The following RANBP17 variants were observed in gnomAD, a reference collection of about 807,000 sequenced individuals.
RANBP17 encodes the protein ran-binding protein 17.
A neutral mutation model predicts 141.2 loss-of-function variants in RANBP17; 158 were observed. That is an observed-to-expected ratio of 1.12 (90% CI 0.98 to 1.28). RANBP17 has a LOEUF of 1.28. Among genes scored for constraint, RANBP17 ranks in the 50% most tolerant of loss-of-function variants. The pLI is 0.00. For missense variants in RANBP17, 1,438 were observed against 1,290.7 expected (o/e 1.11, Z -1.75); for synonymous variants, 430 against 450.0 (o/e 0.96, Z 0.56).
rs1421101572 is a variant in RANBP17 at position 170,896,114 on chromosome 5, T to A, written c.488T>A (p.Leu163Gln). ...ILSELTQEMN[L>Q]VDYSRPSAKH... ...TCTGAATTGACTCAGGAAATGAACCTGGTAAGCGAGCCTTTCCATCTAACA... is the reference window on the plus strand; with the variant it reads ...TCTGAATTGACTCAGGAAATGAACCAGGTAAGCGAGCCTTTCCATCTAACA... The change falls in exon 5 of 28, where the codon CTG (leucine) becomes CAG (glutamine). Residue 163 changes from leucine to glutamine, a missense_variant and splice_region_variant. Transcript: ENST00000523189. 1 of 1,602,932 alleles carries A rather than the reference T, an allele frequency of 6.2e-7. No individual in the cohort carries two copies. The highest frequency in any genetic ancestry group is 1.7e-5 in the Admixed American group (1 of 59,062).
chr5:170,921,646 G>A (rs911653394), intron 11 of RANBP17, among the ~76,000 whole-genome samples: 1 of 152,146 alleles, frequency 6.6e-6, no homozygotes, highest in African/African-American at 2.4e-5. Context: ...TAGCTTGATG[G>A]GGATAGCATT....
chr5:171,182,015 C>G (rs1760891053), intron 16 of RANBP17, among the ~76,000 whole-genome samples: 1 of 152,314 alleles, frequency 6.6e-6, no homozygotes, highest in Non-Finnish European at 1.5e-5. Context: ...TCTCCTGACT[C>G]ATGTTCCAAT....
chr5:171,251,725 G>A (rs1208660127), intron 24 of RANBP17: 6 of 687,542 alleles, frequency 8.7e-6, no homozygotes, highest in Non-Finnish European at 1.5e-5. Context: ...GTCCACCCGC[G>A]GGCTGCGGTG....
chr5:171,270,041 G>A (rs578059511), intron 25 of RANBP17, among the ~76,000 whole-genome samples: 5 of 152,240 alleles, frequency 3.3e-5, no homozygotes, highest in African/African-American at 1.2e-4. Context: ...ATTCCAAATT[G>A]CAAAAGTTAT....
At chr5:171,197,556 C>T (rs750362241) in intron 18 of RANBP17, among the ~76,000 whole-genome samples, 12 of 152,112 alleles carry the variant, frequency 7.9e-5, no homozygotes, top group Non-Finnish European at 1.5e-4. Context: ...GAAGCTAATC[C>T]GAAGATACTA....
intron 14 of RANBP17, among the ~76,000 whole-genome samples, chr5:171,039,853 A>G (rs928257308): frequency 6.6e-6 from 1 of 152,166 alleles, no homozygotes; most frequent in Admixed American, 6.6e-5. Flanking sequence ...ACAGACCAAT[A>G]TTGACATTTG....
At chr5:170,880,491 C>T (rs916890557) in intron 2 of RANBP17, among the ~76,000 whole-genome samples, 1 of 152,130 alleles carries the variant, frequency 6.6e-6, no homozygotes, top group African/African-American at 2.4e-5. Flanking sequence ...GTGTGATTGG[C>T]TAACAAATGA....
rs141109364 is a variant in RANBP17 at position 170,991,177 on chromosome 5, G to A, written c.1710+22800G>A. ...GCCTGTAGGAGATGAAAATTATTAAGTAGCTTTATTTTTTTGAAGATTTTA... is the reference window on the plus strand; with the variant it reads ...GCCTGTAGGAGATGAAAATTATTAAATAGCTTTATTTTTTTGAAGATTTTA... On this transcript the variant is annotated intron_variant, in intron 14 of 27. Transcript: ENST00000523189. Among the ~76,000 whole-genome samples the A allele has an allele frequency of 4.5e-3, 687 of 151,982 alleles. 2 individuals are homozygous for A. Among genetic ancestry groups the A allele is most frequent in the Non-Finnish European group, 7.3e-3 (495 of 67,906 alleles).
chr5:171,018,793 A>G (rs561747322), intron 14 of RANBP17, among the ~76,000 whole-genome samples: 2 of 152,192 alleles, frequency 1.3e-5, no homozygotes, highest in South Asian at 2.1e-4. Flanking sequence ...CCAATACTAC[A>G]TTGAATAGGA....
intron 14 of RANBP17, among the ~76,000 whole-genome samples, chr5:171,123,702 A>G (rs1756215116): frequency 6.6e-6 from 1 of 152,212 alleles, no homozygotes; most frequent in African/African-American, 2.4e-5. Flanking sequence ...CCCCATCTTA[A>G]GCAAAGCCTC....
chr5:171,068,382 A>T (rs1259061881), intron 14 of RANBP17, among the ~76,000 whole-genome samples: 2 of 151,974 alleles, frequency 1.3e-5, no homozygotes, highest in South Asian at 4.1e-4. Context: ...TGTCTAGTAA[A>T]TCCAATGTAT....
chr5:171,168,684 C>T (rs1759875515), intron 14 of RANBP17, among the ~76,000 whole-genome samples: 1 of 152,154 alleles, frequency 6.6e-6, no homozygotes, highest in South Asian at 2.1e-4. Context: ...AAACATCTTA[C>T]AAGCAACAAT....
At chr5:170,863,124 T>A (rs973069721) in intron 1 of RANBP17, among the ~76,000 whole-genome samples, 2 of 152,170 alleles carry the variant, frequency 1.3e-5, no homozygotes, top group Non-Finnish European at 2.9e-5. Flanking sequence ...TGCAGTCTAC[T>A]GGTCCTTGAA....
intron 24 of RANBP17, among the ~76,000 whole-genome samples, chr5:171,249,035 C>G (rs1765394972): frequency 2.0e-5 from 3 of 152,198 alleles, no homozygotes. Context: ...CAGGCACGTT[C>G]ATCCCACCAT....
intron 16 of RANBP17, among the ~76,000 whole-genome samples, chr5:171,182,027 T>C (rs1420646250): frequency 6.6e-6 from 1 of 152,216 alleles, no homozygotes; most frequent in Non-Finnish European, 1.5e-5. Context: ...TGTTCCAATG[T>C]GTTTTCCACT....
chr5:171,152,485 T>C (rs549962578), intron 14 of RANBP17, among the ~76,000 whole-genome samples: 13 of 151,582 alleles, frequency 8.6e-5, no homozygotes, highest in Non-Finnish European at 1.9e-4. Context: ...TCATGCACAA[T>C]GTAGTCAGAC....
intron 18 of RANBP17, among the ~76,000 whole-genome samples, chr5:171,193,183 T>A (rs1169624833): frequency 6.6e-6 from 1 of 152,216 alleles, no homozygotes; most frequent in Non-Finnish European, 1.5e-5. Context: ...TCATTACACC[T>A]ACTTTCTTGC....
chr5:170,995,732 C>T (rs567985883), intron 14 of RANBP17, among the ~76,000 whole-genome samples: 3 of 152,262 alleles, frequency 2.0e-5, no homozygotes, highest in African/African-American at 7.2e-5. Context: ...TCACTCTAGA[C>T]ATTTTCCTTT....
At chr5:171,186,932 G>T (rs1343711483) in intron 18 of RANBP17, among the ~76,000 whole-genome samples, 1 of 151,834 alleles carries the variant, frequency 6.6e-6, no homozygotes, top group African/African-American at 2.4e-5. Context: ...TTTTTCCTTT[G>T]CATTCATCAC....
Sources: gnomAD v4.1 joint callset for allele counts (sites outside exome capture counted in the v4.1 genomes callset) on GRCh38, gnomAD v4.1.1 for gene constraint, MANE v1.5 for transcripts, NCBI Gene and HGNC (gene_info 2026-07-23, HGNC 2026-07-21) for gene names.